The following SPTLC2 variants were observed in gnomAD, a reference collection of about 807,000 sequenced individuals.
SPTLC2 encodes the protein serine palmitoyltransferase 2.
Under a neutral mutation model 62.0 loss-of-function variants are expected in SPTLC2, and 21 were observed. The ratio of observed to expected loss-of-function variants is 0.34; its 90% CI spans 0.24 to 0.49. The LOEUF (loss-of-function observed/expected upper bound fraction) is 0.49. Among genes scored for constraint, SPTLC2 ranks in the 20% least tolerant of loss-of-function variants. The pLI, the probability that SPTLC2 is intolerant of heterozygous loss-of-function variation, is 0.99. For missense variants in SPTLC2, 511 were observed against 713.0 expected (o/e 0.72, Z 3.23); for synonymous variants, 261 against 261.8 (o/e 1.00, Z 0.03).
intron 9 of SPTLC2, among the ~76,000 whole-genome samples, chr14:77,548,759 C>T (rs187725025): frequency 7.2e-5 from 11 of 152,138 alleles, no homozygotes; most frequent in Middle Eastern, 3.4e-3. Flanking sequence ...AGGGGAAATG[C>T]GGAAAAAGTT....
At chr14:77,560,919 C>A (rs1246005066) in intron 6 of SPTLC2, among the ~76,000 whole-genome samples, 1 of 150,980 alleles carries the variant, frequency 6.6e-6, no homozygotes, top group African/African-American at 2.4e-5. Context: ...CTATCAGGTA[C>A]TATGCTGATT....
At chr14:77,573,868 G>A (rs1466933396) in intron 4 of SPTLC2, among the ~76,000 whole-genome samples, 1 of 152,192 alleles carries the variant, frequency 6.6e-6, no homozygotes, top group Non-Finnish European at 1.5e-5. Context: ...CTGACCTCAA[G>A]TGATCTGCCC....
intron 2 of SPTLC2, among the ~76,000 whole-genome samples, chr14:77,587,088 C>A (rs1019933763): frequency 6.6e-6 from 1 of 152,030 alleles, no homozygotes; most frequent in Non-Finnish European, 1.5e-5. Flanking sequence ...ATTAGCTGGG[C>A]GTGGTAGCGG....
chr14:77,542,059 T>A (rs567353432), intron 9 of SPTLC2, among the ~76,000 whole-genome samples: 176 of 122,626 alleles, frequency 1.4e-3, no homozygotes, highest in African/African-American at 5.8e-3. Flanking sequence ...AGACTCTGTG[T>A]CCGGAAAAAA....
chr14:77,578,920 A>G (rs1326517132), intron 3 of SPTLC2, 35 bp downstream of exon 3: 1 of 1,610,902 alleles, frequency 6.2e-7, no homozygotes, highest in African/African-American at 1.3e-5. Context: ...ACCCTTTTGT[A>G]ATTGTTGTCA....
At chr14:77,558,275 A>C (rs549075780) in intron 6 of SPTLC2, among the ~76,000 whole-genome samples, 12 of 152,116 alleles carry the variant, frequency 7.9e-5, no homozygotes, top group Admixed American at 2.0e-4. Flanking sequence ...TGAACTTCTG[A>C]CCTCAGGTGA....
In SPTLC2 at chr14:77,575,067, A is replaced by T. The variant is rs28628604; in HGVS notation, c.631+1700T>A. 4.6e-3 allele frequency among the ~76,000 whole-genome samples: 702 copies of T among 152,220 alleles called. 7 individuals carry two copies. Among genetic ancestry groups the T allele is most frequent in the African/African-American group, 0.016 (660 of 41,536 alleles). On this transcript the variant is annotated intron_variant, in intron 4 of 11. Coordinates refer to ENST00000216484, the MANE Select transcript of SPTLC2 (RefSeq NM_004863.4). ...TCCCCATCTCTACAAAAATCACATT[A>T]AAAAATCAGCTGGGCATGGTGGCGT... is the stretch of plus-strand genomic sequence containing the variant.
At chr14:77,524,675 T>C (rs926612195) in intron 9 of SPTLC2, among the ~76,000 whole-genome samples, 1 of 152,070 alleles carries the variant, frequency 6.6e-6, no homozygotes, top group African/African-American at 2.4e-5. Flanking sequence ...TATCCAGCCA[T>C]GAAAAGAATG....
At chr14:77,519,353 G>C (rs1016529575) in intron 10 of SPTLC2, among the ~76,000 whole-genome samples, 1 of 151,644 alleles carries the variant, frequency 6.6e-6, no homozygotes, top group African/African-American at 2.4e-5. Flanking sequence ...GTTGCTTTTT[G>C]TCTTTTCCTC....
chr14:77,593,194 G>T lies in SPTLC2; in HGVS notation c.327+3992C>A, dbSNP rs1595010817. On this transcript the variant is annotated intron_variant, in intron 2 of 11. Coordinates refer to ENST00000216484, the MANE Select transcript of SPTLC2 (RefSeq NM_004863.4). ...AAATATCTGATCATGAACAAGCTGT[G>T]GAGGCAAAATGTTAGTTTAAAATTT... 4.6e-5 allele frequency among the ~76,000 whole-genome samples: 7 copies of T among 152,224 alleles called. No individual in the cohort carries two copies. The South Asian group carries it at 1.5e-3, about 32-fold the overall frequency.
At chr14:77,601,780 C>T (rs2079878804) in intron 1 of SPTLC2, among the ~76,000 whole-genome samples, 1 of 152,208 alleles carries the variant, frequency 6.6e-6, no homozygotes, top group Admixed American at 6.5e-5. Flanking sequence ...CCTCTTTCTC[C>T]TTTCAATCTT....
chr14:77,589,156 GT>G (rs1156986818), intron 2 of SPTLC2, among the ~76,000 whole-genome samples: 1 of 151,950 alleles, frequency 6.6e-6, no homozygotes, highest in Non-Finnish European at 1.5e-5. Flanking sequence ...TCAATGAAAG[GT>G]TTTCAGACTA....
At chr14:77,560,934 G>C (rs2079611736) in intron 6 of SPTLC2, among the ~76,000 whole-genome samples, 1 of 151,516 alleles carries the variant, frequency 6.6e-6, no homozygotes, top group East Asian at 1.9e-4. Flanking sequence ...CTGATTACCT[G>C]GGTGGCGAAA....
chr14:77,514,432 A>G (rs1170739684), intron 11 of SPTLC2, among the ~76,000 whole-genome samples: 1 of 152,158 alleles, frequency 6.6e-6, no homozygotes, highest in Non-Finnish European at 1.5e-5. Context: ...TGTGTGGGGT[A>G]TTTGGGTATG....
chr14:77,609,502 C>T (rs982601334), intron 1 of SPTLC2, among the ~76,000 whole-genome samples: 1 of 152,120 alleles, frequency 6.6e-6, no homozygotes, highest in Non-Finnish European at 1.5e-5. Context: ...TTTGGAAGTC[C>T]GAAGCGGATG....
intron 9 of SPTLC2, among the ~76,000 whole-genome samples, chr14:77,529,120 G>A (rs1346805560): frequency 6.6e-6 from 1 of 152,124 alleles, no homozygotes; most frequent in Non-Finnish European, 1.5e-5. Flanking sequence ...TTACAGGCGT[G>A]AGTCACTGTG....
At chr14:77,608,919 AAATAATAATAATAATAAT>A (rs56945046) in intron 1 of SPTLC2, among the ~76,000 whole-genome samples, 8 of 134,596 alleles carry the variant, frequency 5.9e-5, no homozygotes, top group African/African-American at 2.2e-4. Flanking sequence ...CTCCATCTCA[AAATAATAATAATAATAAT>A]AATAATAATA....
intron 9 of SPTLC2, among the ~76,000 whole-genome samples, chr14:77,550,555 A>G (rs577214382): frequency 6.6e-6 from 1 of 152,252 alleles, no homozygotes; most frequent in East Asian, 1.9e-4. Context: ...AGCCTGAGCA[A>G]CAAGAGCAAA....
At chr14:77,519,622 G>A (rs1230064721) in intron 10 of SPTLC2, among the ~76,000 whole-genome samples, 1 of 152,144 alleles carries the variant, frequency 6.6e-6, no homozygotes, top group Non-Finnish European at 1.5e-5. Flanking sequence ...GGAGGCGGAA[G>A]CACAAGATTT....
Sources: gnomAD v4.1 joint callset for allele counts (sites outside exome capture counted in the v4.1 genomes callset) on GRCh38, gnomAD v4.1.1 for gene constraint, MANE v1.5 for transcripts, NCBI Gene and HGNC (gene_info 2026-07-23, HGNC 2026-07-21) for gene names.